TRIM49: variants seen among roughly 807,000 people sequenced by gnomAD.
TRIM49 encodes the protein tripartite motif containing 49, also known as tripartite motif-containing protein 49.
Under a neutral mutation model 27.4 loss-of-function variants are expected in TRIM49, and 5 were observed. The ratio of observed to expected loss-of-function variants is 0.18; its 90% CI spans 0.10 to 0.38. TRIM49 has a LOEUF of 0.38. TRIM49 is among the 10% of genes least tolerant of loss of function. The pLI, the probability that TRIM49 is intolerant of heterozygous loss-of-function variation, is 1.00. For missense variants in TRIM49, 188 were observed against 487.5 expected, an observed-to-expected ratio of 0.39 and a Z score of 5.79; for synonymous variants, 69 against 166.0, an observed-to-expected ratio of 0.42 and a Z score of 4.49.
intron 6 of TRIM49, 64 bp from the exon 7 acceptor site, chr11:89,799,877 T>C: frequency 6.5e-7 from 1 of 1,540,218 alleles, no homozygotes; most frequent in South Asian, 1.2e-5. Context: ...TCACTATTTG[T>C]ATATAAAAGA....
the TRIM49 span, chr11:89,787,633 G>A: frequency 3.1e-5 from 25 of 808,030 alleles, 1 homozygote; most frequent in South Asian, 2.7e-4. Context: ...TGGTGCCCCG[G>A]GTCCGCCTCA....
chr11:89,806,208 T>C lies in TRIM49; in HGVS notation c.-5+891A>G, dbSNP rs865781136. Among the ~76,000 whole-genome samples, 30 of 150,870 alleles carry C rather than the reference T, an allele frequency of 2.0e-4. 2 individuals carry two copies. The highest frequency in any genetic ancestry group is 6.4e-4 in the African/African-American group (26 of 40,414). ...TAACTATTTGTGTATCTAAACATAA[T>C]TGAATACAGAAAAGGTACAGTAAAC... On this transcript the variant is annotated intron_variant, in intron 2 of 7. Transcript: ENST00000329758.
chr11:89,789,784 A>G, the TRIM49 span: 2 of 152,088 alleles, frequency 1.3e-5, no homozygotes, highest in African/African-American at 2.4e-5. Context: ...TTGGGTTCCA[A>G]GGTGGCCGAA....
chr11:89,791,215 G>T, the TRIM49 span, among the ~76,000 whole-genome samples: 34 of 151,758 alleles, frequency 2.2e-4, no homozygotes, highest in African/African-American at 8.2e-4. Context: ...AAAAAGAAGT[G>T]AACAAAGCCT....
chr11:89,804,223 A>G lies in TRIM49; in HGVS notation c.247T>C (p.Trp83Arg). Reference protein sequence around the residue: ...MASLARKVSLWLFLSSEEQMC... With the variant: ...MASLARKVSLRLFLSSEEQMC... ...TGCTCCTCAGAGCTCAGGAATAGCC[A>G]GAGACTGACTTTTCTGGCAAGAGAA... The change falls in exon 3 of 8, where the codon TGG (tryptophan) becomes CGG (arginine). Residue 83 changes from tryptophan to arginine, a missense_variant. Coordinates refer to ENST00000329758, the MANE Select transcript of TRIM49 (RefSeq NM_020358.2). 6.2e-6 allele frequency: 10 copies of G among 1,608,628 alleles called. 1 individual carries two copies. Among genetic ancestry groups the G allele is most frequent in the Non-Finnish European group, 8.5e-6 (10 of 1,177,926 alleles).
At chr11:89,800,195 A>G (rs1221002704) in intron 6 of TRIM49, among the ~76,000 whole-genome samples, 1 of 151,520 alleles carries the variant, frequency 6.6e-6, no homozygotes, top group African/African-American at 2.4e-5. Flanking sequence ...CTCAAGATAA[A>G]GAATGGAAAC....
the TRIM49 span, among the ~76,000 whole-genome samples, chr11:89,792,643 T>A: frequency 6.6e-6 from 1 of 152,094 alleles, no homozygotes; most frequent in South Asian, 2.1e-4. Flanking sequence ...CCTGAATGAC[T>A]ACCGGGTACA....
At chr11:89,773,888 G>A in the TRIM49 span, among the ~76,000 whole-genome samples, 1 of 136,276 alleles carries the variant, frequency 7.3e-6, no homozygotes, top group South Asian at 2.3e-4. Context: ...AGTGAGCTAA[G>A]ACCAAGCCCT....
chr11:89,796,473 A>C (rs78740701), downstream of TRIM49, among the ~76,000 whole-genome samples: 3,122 of 119,604 alleles, frequency 0.026, 86 homozygotes, highest in Non-Finnish European at 0.026. Context: ...TGGCCACAAG[A>C]CGTTCTCACA....
the TRIM49 span, among the ~76,000 whole-genome samples, chr11:89,788,003 A>G: frequency 0.23 from 28,739 of 124,196 alleles, 476 homozygotes; most frequent in East Asian, 0.34. Context: ...GCCTGACACC[A>G]GCCACCCTAG....
the TRIM49 span, chr11:89,787,156 C>G: frequency 0.2 from 38,884 of 194,176 alleles, 1,252 homozygotes; most frequent in East Asian, 0.35. Flanking sequence ...CCGAGGGCTC[C>G]AAAAACTGCC....
intron 2 of TRIM49, among the ~76,000 whole-genome samples, chr11:89,804,802 TC>T (rs1186657631): frequency 6.6e-6 from 1 of 151,332 alleles, no homozygotes; most frequent in Admixed American, 6.6e-5. Context: ...ATCATAGTTG[TC>T]CCTATTCTTC....
At chr11:89,797,419 G>A (rs1306552684), downstream of TRIM49, among the ~76,000 whole-genome samples, 1 of 149,150 alleles carries the variant, frequency 6.7e-6, no homozygotes, top group East Asian at 2.0e-4. Context: ...AAATCCTTAT[G>A]AGAATATTGT....
At chr11:89,768,738 C>T in the TRIM49 span, 2 of 487,686 alleles carry the variant, frequency 4.1e-6, no homozygotes, top group South Asian at 3.1e-5. Context: ...ATTATGTTTT[C>T]CCTTTGTTGG....
At chr11:89,778,200 G>C in the TRIM49 span, among the ~76,000 whole-genome samples, 2 of 151,358 alleles carry the variant, frequency 1.3e-5, no homozygotes, top group African/African-American at 4.8e-5. Context: ...ATTAATTCTA[G>C]TGTATTGGAT....
the TRIM49 span, among the ~76,000 whole-genome samples, chr11:89,782,539 ATTAAG>A: frequency 7.3e-5 from 11 of 151,640 alleles, no homozygotes; most frequent in East Asian, 9.8e-4. Flanking sequence ...ACATTCATTA[ATTAAG>A]TTATTTTAAT....
chr11:89,794,211 C>G, downstream of TRIM49, among the ~76,000 whole-genome samples: 1 of 122,060 alleles, frequency 8.2e-6, no homozygotes, highest in Non-Finnish European at 1.7e-5. Context: ...AGGAGAACTA[C>G]AAACCACTGC....
chr11:89,781,796 GGAA>G, the TRIM49 span: 1 of 790,330 alleles, frequency 1.3e-6, no homozygotes, highest in African/African-American at 2.1e-5. Context: ...GTATTTTCTT[GGAA>G]GAAGAGCAAA....
chr11:89,787,912 C>G, the TRIM49 span: 2 of 377,364 alleles, frequency 5.3e-6, no homozygotes, highest in Non-Finnish European at 9.5e-6. Flanking sequence ...TGGCAGCTCC[C>G]GGGACCACCG....
Sources: allele counts gnomAD v4.1 joint callset (sites outside exome capture counted in the v4.1 genomes callset), GRCh38; gene constraint gnomAD v4.1.1; transcripts MANE v1.5; gene names NCBI Gene and HGNC (gene_info 2026-07-23, HGNC 2026-07-21).